ABHD18: variants seen among roughly 807,000 people sequenced by gnomAD.
The protein encoded by ABHD18 is cardiolipin-specific deacylase, mitochondrial.
ABHD18 carries 55 observed loss-of-function variants against 65.9 expected under a neutral mutation model. The observed-to-expected ratio is 0.84, with a 90% CI of 0.67 to 1.05. ABHD18 has a LOEUF of 1.05. Ranked by LOEUF, ABHD18 falls within the 50% of genes least tolerant of loss-of-function variation. The pLI is 0.00. For missense variants in ABHD18, 533 were observed against 558.5 expected (o/e 0.95, Z 0.46); for synonymous variants, 181 against 180.2 (o/e 1.00, Z -0.04).
At position 127,977,986 on chromosome 4, in the gene ABHD18, A is replaced by G. The variant is rs1359776421; in HGVS notation, c.-17-4953A>G. ...TCTCTTGATGAGAAGACTAAAACTC[A>G]CAATGCTATTGAGTTAATATATGGA... On this transcript the variant is annotated intron_variant, in intron 1 of 12. Coordinates refer to ENST00000645843, the MANE Select transcript of ABHD18 (RefSeq NM_001358451.3). 2.6e-5 allele frequency among the ~76,000 whole-genome samples: 4 copies of G among 152,126 alleles called. No individual in the cohort carries two copies. The East Asian group carries it at 7.7e-4, about 29-fold the overall frequency.
chr4:127,988,291 T>G (rs1285673558), intron 3 of ABHD18, among the ~76,000 whole-genome samples: 1 of 152,130 alleles, frequency 6.6e-6, no homozygotes, highest in Non-Finnish European at 1.5e-5. Flanking sequence ...ACTGCAGTGG[T>G]GTAATCATGG....
At chr4:128,022,133 G>T (rs368502110) in intron 10 of ABHD18, among the ~76,000 whole-genome samples, 3 of 152,118 alleles carry the variant, frequency 2.0e-5, no homozygotes, top group South Asian at 2.1e-4. Flanking sequence ...AATATAAATG[G>T]CAAGTTGATA....
chr4:128,039,577 CCTT>C lies in ABHD18; in HGVS notation c.*3768_*3770del, dbSNP rs1759181417. On this transcript the variant is annotated 3_prime_UTR_variant, in exon 13 of 13. Transcript: ENST00000645843. ...CATTTTAGCATGTGCATTTTAGAGT[CCTT>C]CTTTGTATTTTTGTAATGTGGTGCT... 6.6e-6 allele frequency: 1 copy of C among 151,996 alleles called. No homozygotes were observed. Among genetic ancestry groups the C allele is most frequent in the Non-Finnish European group, 1.5e-5 (1 of 67,994 alleles). The allele number at this position is 151,996 out of a possible 1,614,324, so 9.4% of individuals were successfully genotyped here.
intron 10 of ABHD18, among the ~76,000 whole-genome samples, chr4:128,025,928 T>C (rs950696261): frequency 3.3e-5 from 5 of 151,990 alleles, no homozygotes; most frequent in African/African-American, 4.8e-5. Flanking sequence ...GAGGCCGAGG[T>C]GGGCAGATCA....
chr4:128,011,388 T>C (rs562827329), intron 6 of ABHD18, among the ~76,000 whole-genome samples: 1 of 152,002 alleles, frequency 6.6e-6, no homozygotes, highest in African/African-American at 2.4e-5. Flanking sequence ...GACCTCGTGA[T>C]CCGCCCGCCT....
intron 6 of ABHD18, among the ~76,000 whole-genome samples, chr4:128,010,650 C>T (rs1366432655): frequency 2.0e-5 from 3 of 151,612 alleles, no homozygotes; most frequent in African/African-American, 7.3e-5. Flanking sequence ...CGGTGGCTCA[C>T]GCCCTGTAAT....
At chr4:127,997,559 T>G (rs1039230086) in intron 4 of ABHD18, among the ~76,000 whole-genome samples, 13 of 152,244 alleles carry the variant, frequency 8.5e-5, no homozygotes, top group African/African-American at 3.1e-4. Context: ...AGTCTGCCTC[T>G]CTTCTAGACT....
intron 7 of ABHD18, 77 bp from the exon 8 acceptor site, chr4:128,017,286 C>A: frequency 7.3e-7 from 1 of 1,376,514 alleles, no homozygotes; most frequent in South Asian, 1.3e-5. Context: ...TGAAGTCTGG[C>A]AGCCTGTTGT....
At chr4:128,027,465 G>C (rs1356355726) in intron 10 of ABHD18, among the ~76,000 whole-genome samples, 1 of 151,774 alleles carries the variant, frequency 6.6e-6, no homozygotes, top group African/African-American at 2.4e-5. Context: ...AAGTGCAGTG[G>C]CACGATATCA....
At chr4:128,015,296 T>C (rs1429415198) in intron 7 of ABHD18, among the ~76,000 whole-genome samples, 1 of 152,162 alleles carries the variant, frequency 6.6e-6, no homozygotes, top group Non-Finnish European at 1.5e-5. Flanking sequence ...GATACTTCTC[T>C]GTCGCTCTCT....
Position 128,039,617 on chromosome 4 carries a change from A to T in ABHD18, c.*3804A>T, listed in dbSNP as rs1319253081. ...TGTAATGTGGTGCTTTCTCTCATAAAGATAATTGAATTGTTAACACTGTAA... is the reference window on the plus strand; with the variant it reads ...TGTAATGTGGTGCTTTCTCTCATAATGATAATTGAATTGTTAACACTGTAA... On this transcript the variant is annotated 3_prime_UTR_variant, in exon 13 of 13. Transcript: ENST00000645843. 5 of 152,194 alleles carry T rather than the reference A, an allele frequency of 3.3e-5. No homozygotes were observed. Among genetic ancestry groups the T allele is most frequent in the Non-Finnish European group, 5.9e-5 (4 of 68,038 alleles). The allele number at this position is 152,194 out of a possible 1,614,324, so 9.4% of individuals were successfully genotyped here. A position where few individuals can be genotyped will look rare whatever the true frequency, so the allele number is the denominator to read the frequency against.
chr4:128,021,026 T>G, intron 9 of ABHD18, 111 bp from the exon 10 acceptor site: 1 of 631,554 alleles, frequency 1.6e-6, no homozygotes, highest in Non-Finnish European at 2.7e-6. Flanking sequence ...AGAGTGAGAC[T>G]TCGTCTGCAA....
At chr4:127,968,074 T>C (rs1485116780) in intron 1 of ABHD18, among the ~76,000 whole-genome samples, 1 of 152,164 alleles carries the variant, frequency 6.6e-6, no homozygotes, top group Non-Finnish European at 1.5e-5. Context: ...CCGGGCGTGG[T>C]GACGGGCGCC....
chr4:128,008,963 C>T lies in ABHD18; in HGVS notation c.322C>T (p.Pro108Ser). Residue 108 changes from proline (P) to serine (S), a missense_variant, in exon 5 of 13, where the codon CCT becomes TCT. Transcript: ENST00000645843. ...VPKEWNSKYR[P>S]VCIHLAGTGD... ...TAAAGAATGGAACAGCAAATATAGA[C>T]CTGTATGCATTCATCTTGCTGGAAC... The T allele has an allele frequency of 6.2e-7, 1 of 1,611,140 alleles. No individual in the cohort carries two copies. The highest frequency in any genetic ancestry group is 8.5e-7 in the Non-Finnish European group (1 of 1,178,978).
intron 10 of ABHD18, among the ~76,000 whole-genome samples, chr4:128,027,879 C>T (rs1327688801): frequency 6.6e-6 from 1 of 152,036 alleles, no homozygotes. Flanking sequence ...CTAAATGATA[C>T]CCTTTACTGT....
chr4:127,983,046 A>G lies in ABHD18; in HGVS notation c.91A>G (p.Arg31Gly). The stretch of plus-strand genomic sequence containing the variant: ...ATGGGGAAGGCCAGAAGATCTCAAA[A>G]GGCAAGCAATTTTTTTTCCTGAATA... ...RGWGRPEDLK[R>G]LFEFRKMIGN... The change falls in exon 2 of 13, where the codon AGA becomes GGA. Residue 31 changes from arginine (R) to glycine (G), a missense_variant and splice_region_variant. Physicochemically the swap from Arg to Gly is moderately radical, Grantham distance 125 (BLOSUM62 -2). Transcript: ENST00000645843. The G allele has an allele frequency of 1.3e-6, 2 of 1,551,198 alleles. No individual in the cohort carries two copies. Among genetic ancestry groups the G allele is most frequent in the Non-Finnish European group, 1.7e-6 (2 of 1,146,756 alleles).
chr4:128,010,152 C>A (rs1249963005), intron 6 of ABHD18, among the ~76,000 whole-genome samples: 4 of 152,120 alleles, frequency 2.6e-5, no homozygotes, highest in African/African-American at 9.7e-5. Context: ...AGAACAGTGC[C>A]TGATAAATAA....
intron 12 of ABHD18, 51 bp from the exon 13 acceptor site, chr4:128,035,711 T>TC: frequency 2.8e-6 from 3 of 1,071,248 alleles, no homozygotes; most frequent in African/African-American, 1.6e-5. Flanking sequence ...GCATTGTTTG[T>TC]CCCCCCTTTT....
intron 10 of ABHD18, among the ~76,000 whole-genome samples, chr4:128,022,713 G>C (rs1404039368): frequency 6.7e-6 from 1 of 150,144 alleles, no homozygotes; most frequent in African/African-American, 2.4e-5. Flanking sequence ...TAATTTACCA[G>C]TTTTCAAGAT....
Sources: allele counts gnomAD v4.1 joint callset (sites outside exome capture counted in the v4.1 genomes callset), GRCh38; gene constraint gnomAD v4.1.1; transcripts MANE v1.5; gene names NCBI Gene and HGNC (gene_info 2026-07-23, HGNC 2026-07-21).